The following CERS6 variants were observed in gnomAD, a reference collection of about 807,000 sequenced individuals.
CERS6 encodes ceramide synthase 6, also known as LAG1 homolog, ceramide synthase 6.
CERS6 carries 26 observed loss-of-function variants against 56.8 expected under a neutral mutation model. That is an observed-to-expected ratio of 0.46 (90% CI 0.34 to 0.63). CERS6 has a LOEUF of 0.63. Ranked by LOEUF, CERS6 falls within the 30% of genes least tolerant of loss-of-function variation. CERS6 has a pLI of 0.01. For missense variants in CERS6, 415 were observed against 467.5 expected (o/e 0.89, Z 1.04); for synonymous variants, 164 against 173.3 (o/e 0.95, Z 0.42).
intron 7 of CERS6, 70 bp downstream of exon 7, chr2:168,715,199 T>C: frequency 7.2e-7 from 1 of 1,385,700 alleles, no homozygotes; most frequent in Admixed American, 2.0e-5. Context: ...TCATTAGCTC[T>C]TCAGTGTTAT....
intron 4 of CERS6, among the ~76,000 whole-genome samples, chr2:168,641,964 A>G (rs1429436201): frequency 6.6e-6 from 1 of 151,964 alleles, no homozygotes; most frequent in Non-Finnish European, 1.5e-5. Flanking sequence ...AACAACTTTA[A>G]TGACTAAAAT....
rs182630612 is a variant in CERS6, at chr2:168,563,531, C to T, written c.407+2209C>T. 1.1e-3 allele frequency among the ~76,000 whole-genome samples: 161 copies of T among 152,306 alleles called. 1 individual carries two copies. The highest frequency in any genetic ancestry group is 3.8e-3 in the African/African-American group (157 of 41,560). Reference sequence around the variant, plus strand: ...CCAGATATGGGGCCAGGTGCAGTGGCTCACGCCTGTAATCCCAGCACTTTT... The same window carrying T: ...CCAGATATGGGGCCAGGTGCAGTGGTTCACGCCTGTAATCCCAGCACTTTT... On this transcript the variant is annotated intron_variant, in intron 3 of 9. Transcript: ENST00000305747.
Position 168,670,970 on chromosome 2 carries a change from C to CG in CERS6, c.466-20064_466-20063insG, listed in dbSNP as rs1483996627. Among the ~76,000 whole-genome samples, 11 of 55,996 alleles carry CG rather than the reference C, an allele frequency of 2.0e-4. 1 individual carries two copies. In the Middle Eastern group the frequency reaches 0.015, roughly 76 times the overall value. The allele number at this position is 55,996 out of a possible 152,430, so 36.7% of individuals were successfully genotyped here. ...AGCAGGTGCTGGATACATGCTTCCC[C>CG]CCCCCCCCCCAGACGGAAGCTTGCT... On this transcript the variant is annotated intron_variant, in intron 4 of 9. Coordinates refer to ENST00000305747, the MANE Select transcript of CERS6 (RefSeq NM_203463.3).
At chr2:168,568,210 T>C (rs866792324) in intron 3 of CERS6, among the ~76,000 whole-genome samples, 1 of 152,246 alleles carries the variant, frequency 6.6e-6, no homozygotes, top group Non-Finnish European at 1.5e-5. Flanking sequence ...TCAGTTGTTA[T>C]GTAAAGTCTA....
intron 6 of CERS6, 47 bp from the exon 7 acceptor site, chr2:168,714,954 A>T: frequency 1.3e-6 from 2 of 1,563,964 alleles, no homozygotes; most frequent in Non-Finnish European, 1.7e-6. Context: ...CTAAATGGAA[A>T]TGTGATGTTG....
At chr2:168,486,384 A>G (rs1694274242) in intron 1 of CERS6, among the ~76,000 whole-genome samples, 1 of 152,020 alleles carries the variant, frequency 6.6e-6, no homozygotes, top group Non-Finnish European at 1.5e-5. Flanking sequence ...GGTCTTGTAT[A>G]TTTTAAATAG....
intron 1 of CERS6, among the ~76,000 whole-genome samples, chr2:168,493,770 C>T (rs1235966532): frequency 1.3e-5 from 2 of 151,924 alleles, no homozygotes; most frequent in Non-Finnish European, 2.9e-5. Context: ...TTTGGTGAGA[C>T]ACCCACATAA....
intron 5 of CERS6, among the ~76,000 whole-genome samples, chr2:168,691,694 C>G (rs1271270893): frequency 6.6e-6 from 1 of 152,170 alleles, no homozygotes; most frequent in African/African-American, 2.4e-5. Context: ...TGCATCTTTC[C>G]ATGAATTCAG....
At chr2:168,724,965 A>G (rs1683303900) in intron 8 of CERS6, among the ~76,000 whole-genome samples, 1 of 152,150 alleles carries the variant, frequency 6.6e-6, no homozygotes, top group Non-Finnish European at 1.5e-5. Context: ...CTCGTCGTGG[A>G]GGCTCCGTCC....
chr2:168,673,365 G>C (rs1242521762), intron 4 of CERS6, among the ~76,000 whole-genome samples: 12 of 150,890 alleles, frequency 8.0e-5, no homozygotes, highest in Admixed American at 5.9e-4. Context: ...AATATTATCA[G>C]TGATTCAAAA....
intron 1 of CERS6, among the ~76,000 whole-genome samples, chr2:168,469,413 G>A (rs1693938019): frequency 2.0e-5 from 3 of 152,190 alleles, no homozygotes; most frequent in African/African-American, 7.2e-5. Flanking sequence ...AAATGAGGAA[G>A]TAAGGCAAAG....
chr2:168,710,964 C>G (rs13400900), intron 6 of CERS6, among the ~76,000 whole-genome samples: 12,508 of 152,184 alleles, frequency 0.082, 725 homozygotes, highest in East Asian at 0.16. Context: ...TGTTGGAAGA[C>G]GCATGTTTCC....
intron 4 of CERS6, among the ~76,000 whole-genome samples, chr2:168,672,240 C>G (rs998208552): frequency 6.6e-6 from 1 of 152,180 alleles, no homozygotes; most frequent in Non-Finnish European, 1.5e-5. Flanking sequence ...AACTTCATGT[C>G]CTTTTCCAAC....
chr2:168,695,043 A>G lies in CERS6; in HGVS notation c.601A>G (p.Lys201Glu). The G allele has an allele frequency of 1.2e-6, 2 of 1,612,294 alleles. No homozygotes were observed. The highest frequency in any genetic ancestry group is 3.3e-5 in the Admixed American group (2 of 59,980). Residue 201 changes from lysine to glutamate, a missense_variant, in exon 6 of 10, where the codon AAA (lysine) becomes GAA (glutamate). Lys to Glu is a moderately conservative substitution (Grantham distance 56). Coordinates refer to ENST00000305747, the MANE Select transcript of CERS6 (RefSeq NM_203463.3). ...GATGTTTTCTCAGTTCACTGATATCAAAAGAAAGGTAAGAGCGGTTATGTC... is the reference window on the plus strand; with the variant it reads ...GATGTTTTCTCAGTTCACTGATATCGAAAGAAAGGTAAGAGCGGTTATGTC... ...SLMFSQFTDI[K>E]RKDFGIMFLH...
chr2:168,518,195 G>A (rs1285228949), intron 1 of CERS6, among the ~76,000 whole-genome samples: 1 of 152,156 alleles, frequency 6.6e-6, no homozygotes, highest in Non-Finnish European at 1.5e-5. Context: ...AATCGAGCTG[G>A]CTCTACTACA....
At chr2:168,727,817 G>A (rs1683391721) in intron 8 of CERS6, among the ~76,000 whole-genome samples, 1 of 152,168 alleles carries the variant, frequency 6.6e-6, no homozygotes, top group Non-Finnish European at 1.5e-5. Context: ...CTTGGTGCTG[G>A]TCTATGTTAA....
intron 1 of CERS6, among the ~76,000 whole-genome samples, chr2:168,463,538 C>G (rs1393606629): frequency 6.6e-6 from 1 of 152,066 alleles, no homozygotes; most frequent in Non-Finnish European, 1.5e-5. Flanking sequence ...TTGATGGATA[C>G]AAATTGCCAA....
chr2:168,511,261 C>T (rs1052727808), intron 1 of CERS6, among the ~76,000 whole-genome samples: 1 of 152,146 alleles, frequency 6.6e-6, no homozygotes, highest in East Asian at 1.9e-4. Flanking sequence ...TAAATAACTT[C>T]CTGGAAAAGG....
intron 8 of CERS6, among the ~76,000 whole-genome samples, chr2:168,728,388 T>C (rs1441416914): frequency 7.3e-5 from 2 of 27,416 alleles, no homozygotes; most frequent in Admixed American, 2.3e-4. Flanking sequence ...GCAACTACTC[T>C]TTTTTTTTTT....
Sources: gnomAD v4.1 joint callset for allele counts (sites outside exome capture counted in the v4.1 genomes callset) on GRCh38, gnomAD v4.1.1 for gene constraint, MANE v1.5 for transcripts, NCBI Gene and HGNC (gene_info 2026-07-23, HGNC 2026-07-21) for gene names.